TTC39B: variants seen among roughly 807,000 people sequenced by gnomAD.
The protein encoded by TTC39B is tetratricopeptide repeat protein 39B.
Under a neutral mutation model 96.6 loss-of-function variants are expected in TTC39B, and 92 were observed. The ratio of observed to expected loss-of-function variants is 0.95; its 90% CI spans 0.80 to 1.13. The LOEUF is 1.13. Ranked by LOEUF, TTC39B falls within the 50% of genes most tolerant of loss-of-function variation. The pLI is 0.00. For missense variants in TTC39B, 955 were observed against 809.3 expected (o/e 1.18, Z -2.18); for synonymous variants, 367 against 299.4 (o/e 1.23, Z -2.33).
intron 1 of TTC39B, among the ~76,000 whole-genome samples, chr9:15,278,919 A>T (rs1197061590): frequency 6.6e-6 from 1 of 152,220 alleles, no homozygotes; most frequent in Non-Finnish European, 1.5e-5. Context: ...GTGTTAACTC[A>T]TTTAATCTTC....
At chr9:15,281,625 CAAAAAAAAAAAA>C (rs1161175672) in intron 1 of TTC39B, among the ~76,000 whole-genome samples, 1 of 49,008 alleles carries the variant, frequency 2.0e-5, no homozygotes, top group East Asian at 6.9e-4. Flanking sequence ...CCTGCAACAG[CAAAAAAAAAAAA>C]AAAAAAAAAA....
At chr9:15,240,647 T>C (rs1170974904) in intron 2 of TTC39B, among the ~76,000 whole-genome samples, 1 of 152,224 alleles carries the variant, frequency 6.6e-6, no homozygotes, top group African/African-American at 2.4e-5. Flanking sequence ...ATCATCCCTT[T>C]TTATCACACA....
Position 15,306,040 on chromosome 9 carries a change from T to C in TTC39B, c.240+1044A>G, listed in dbSNP as rs1824742320. 6.6e-6 allele frequency among the ~76,000 whole-genome samples: 1 copy of C among 152,188 alleles called. No individual in the cohort carries two copies. The highest frequency in any genetic ancestry group is 6.5e-5 in the Admixed American group (1 of 15,270). On this transcript the variant is annotated intron_variant, in intron 1 of 19. Transcript: ENST00000512701. The surrounding 1 kb of genome is among the most constrained non-coding windows in gnomAD (Gnocchi z 5.1). ...TATTTTACGGAGCACATTTAAAGTA[T>C]AGTCTTCCTTGTCAGGAGATTCCTG... is the stretch of plus-strand genomic sequence containing the variant.
chr9:15,242,021 C>T (rs1001225441), intron 2 of TTC39B, among the ~76,000 whole-genome samples: 10 of 151,834 alleles, frequency 6.6e-5, no homozygotes, highest in Admixed American at 3.3e-4. Flanking sequence ...GCTGGGATTA[C>T]AGGCATGAGC....
intron 2 of TTC39B, among the ~76,000 whole-genome samples, chr9:15,244,707 C>A (rs746429593): frequency 6.6e-6 from 1 of 152,202 alleles, no homozygotes; most frequent in Non-Finnish European, 1.5e-5. Context: ...TTCCTGCAGT[C>A]ATGGGGCAGA....
At chr9:15,254,126 G>C (rs1331722172) in intron 2 of TTC39B, among the ~76,000 whole-genome samples, 3 of 151,482 alleles carry the variant, frequency 2.0e-5, no homozygotes, top group African/African-American at 7.3e-5. Context: ...ATAAAGGCTT[G>C]TTAAACCTGG....
intron 1 of TTC39B, among the ~76,000 whole-genome samples, chr9:15,276,335 T>C (rs188763905): frequency 1.4e-4 from 22 of 152,274 alleles, no homozygotes; most frequent in East Asian, 3.9e-4. Flanking sequence ...AGTATCCCTA[T>C]AGAAAATCCT....
intron 17 of TTC39B, among the ~76,000 whole-genome samples, chr9:15,180,389 G>A (rs1421767067): frequency 2.0e-5 from 3 of 152,190 alleles, no homozygotes; most frequent in Admixed American, 1.3e-4. Flanking sequence ...GATTTCAAAT[G>A]AAACACTATT....
chr9:15,222,742 G>C (rs975996950), intron 3 of TTC39B, among the ~76,000 whole-genome samples: 1 of 152,064 alleles, frequency 6.6e-6, no homozygotes, highest in East Asian at 1.9e-4. Context: ...TCTATGAAAG[G>C]TTTTCTCTCC....
At chr9:15,174,390 C>T (rs1258791966) in intron 19 of TTC39B, among the ~76,000 whole-genome samples, 1 of 152,192 alleles carries the variant, frequency 6.6e-6, no homozygotes, top group African/African-American at 2.4e-5. Flanking sequence ...TCAAGGCAAA[C>T]AGGCCACAGG....
chr9:15,216,152 A>G (rs931289131), intron 3 of TTC39B, among the ~76,000 whole-genome samples: 4 of 152,088 alleles, frequency 2.6e-5, no homozygotes, highest in African/African-American at 7.2e-5. Flanking sequence ...TTCTCCCACC[A>G]TTATTACCAT....
intron 2 of TTC39B, among the ~76,000 whole-genome samples, chr9:15,228,104 T>C (rs1038885084): frequency 6.6e-6 from 1 of 152,156 alleles, no homozygotes; most frequent in African/African-American, 2.4e-5. Context: ...TGACATGCCA[T>C]ATATAACACA....
chr9:15,289,765 G>A (rs916706154), intron 1 of TTC39B, among the ~76,000 whole-genome samples: 1 of 152,162 alleles, frequency 6.6e-6, no homozygotes, highest in Non-Finnish European at 1.5e-5. Flanking sequence ...CAACTGTTTT[G>A]CATACTTCCA....
chr9:15,255,309 A>G (rs559590866), intron 2 of TTC39B, among the ~76,000 whole-genome samples: 4 of 152,194 alleles, frequency 2.6e-5, no homozygotes, highest in Non-Finnish European at 5.9e-5. Context: ...ACACTATTCA[A>G]AAATGTACCT....
intron 2 of TTC39B, among the ~76,000 whole-genome samples, chr9:15,233,371 C>A (rs1259255924): frequency 2.0e-5 from 3 of 152,136 alleles, no homozygotes. Context: ...CGGTCTCCCT[C>A]TCCCTCTCTT....
At chr9:15,303,406 TGTCACCCA>T in intron 1 of TTC39B, among the ~76,000 whole-genome samples, 1 of 151,210 alleles carries the variant, frequency 6.6e-6, no homozygotes. Flanking sequence ...AAACGGGGTC[TGTCACCCA>T]GGCTGGAGTG....
chr9:15,206,554 T>C lies in TTC39B; in HGVS notation c.692-2664A>G, dbSNP rs772762702. Reference sequence around the variant, plus strand: ...TTCTCAAAATTAGCCATTAGGCACTTATGAGTAGGTAACTACCAGAATATC... The same window carrying C: ...TTCTCAAAATTAGCCATTAGGCACTCATGAGTAGGTAACTACCAGAATATC... On this transcript the variant is annotated intron_variant, in intron 6 of 19. Transcript: ENST00000512701. 2.6e-4 allele frequency among the ~76,000 whole-genome samples: 39 copies of C among 152,214 alleles called. 1 individual carries two copies. Among genetic ancestry groups the C allele is most frequent in the Non-Finnish European group, 7.3e-5 (5 of 68,042 alleles).
At chr9:15,170,152 G>C (rs1269540393) in exon 20 of TTC39B, 1 of 15,504 alleles carries the variant, frequency 6.4e-5, no homozygotes, top group East Asian at 8.2e-3. Flanking sequence ...ACCTAAAGTT[G>C]TATTACTAAT....
At chr9:15,200,766 C>T (rs1467249499) in intron 7 of TTC39B, among the ~76,000 whole-genome samples, 5 of 152,158 alleles carry the variant, frequency 3.3e-5, no homozygotes, top group African/African-American at 7.2e-5. Flanking sequence ...TTTGGGAGGC[C>T]GAGGCGGGTG....
Sources: allele counts gnomAD v4.1 joint callset (sites outside exome capture counted in the v4.1 genomes callset), GRCh38; gene constraint gnomAD v4.1.1; non-coding constraint Gnocchi (gnomAD v3.1); transcripts MANE v1.5; gene names NCBI Gene and HGNC (gene_info 2026-07-23, HGNC 2026-07-21).